Variants in COL14A1 observed in about 807,000 individuals in gnomAD.
COL14A1 encodes the protein collagen alpha-1(XIV) chain.
A neutral mutation model predicts 230.3 loss-of-function variants in COL14A1; 136 were observed. The ratio of observed to expected loss-of-function variants is 0.59; its 90% CI spans 0.51 to 0.68. The LOEUF (loss-of-function observed/expected upper bound fraction) is 0.68. Among genes scored for constraint, COL14A1 ranks in the 30% least tolerant of loss-of-function variants. The probability of loss-of-function intolerance (pLI) is 0.00; values close to 1 mark genes in which losing one functional copy is unlikely to be tolerated. For missense variants in COL14A1, 1,976 were observed against 2,215.8 expected, an observed-to-expected ratio of 0.89 and a Z score of 2.17; for synonymous variants, 792 against 784.1, an observed-to-expected ratio of 1.01 and a Z score of -0.17.
intron 34 of COL14A1, 114 bp downstream of exon 34, chr8:120,289,880 A>G: frequency 9.5e-7 from 1 of 1,050,226 alleles, no homozygotes. Flanking sequence ...GGATAAATGG[A>G]TGGATGAATG....
At chr8:120,270,557 T>G (rs530307010) in intron 26 of COL14A1, among the ~76,000 whole-genome samples, 1 of 151,924 alleles carries the variant, frequency 6.6e-6, no homozygotes, top group East Asian at 1.9e-4. Flanking sequence ...AACATGAAAC[T>G]AACTCATTCA....
chr8:120,205,805 T>G (rs940082498), intron 9 of COL14A1, among the ~76,000 whole-genome samples: 1 of 152,198 alleles, frequency 6.6e-6, no homozygotes, highest in East Asian at 1.9e-4. Flanking sequence ...GCCCATAGTT[T>G]GTGTTCAAAA....
chr8:120,199,696 A>G, intron 8 of COL14A1, 130 bp downstream of exon 8: 1 of 875,848 alleles, frequency 1.1e-6, no homozygotes, highest in South Asian at 1.9e-5. Context: ...GGCACTTGTC[A>G]TAGGCAGCCC....
intron 5 of COL14A1, among the ~76,000 whole-genome samples, chr8:120,184,787 G>A (rs1586746367): frequency 6.6e-6 from 1 of 152,152 alleles, no homozygotes; most frequent in Admixed American, 6.6e-5. Flanking sequence ...CAACATATGA[G>A]CTCAAGGCAG....
intron 38 of COL14A1, among the ~76,000 whole-genome samples, chr8:120,314,918 G>A (rs964933831): frequency 3.3e-5 from 5 of 152,134 alleles, no homozygotes; most frequent in African/African-American, 4.8e-5. Flanking sequence ...AATCCAAGCC[G>A]TAAATAATAC....
At chr8:120,189,944 T>G (rs1816765965) in intron 5 of COL14A1, among the ~76,000 whole-genome samples, 1 of 151,448 alleles carries the variant, frequency 6.6e-6, no homozygotes, top group Non-Finnish European at 1.5e-5. Flanking sequence ...ACAATAAACA[T>G]ACGTGTGCAT....
In COL14A1 at chr8:120,242,452, A is replaced by ATTTGT. The variant is rs1157030223; in HGVS notation, c.2350-1426_2350-1425insTTGTT. Among the ~76,000 whole-genome samples, 3 of 152,366 alleles carry ATTTGT rather than the reference A, an allele frequency of 2.0e-5. No individual in the cohort carries two copies. In the East Asian group the frequency reaches 5.8e-4, roughly 29 times the overall value. ...AGTTTGAAAGAAGACATTATTTAAC[A>ATTTGT]TCAACATGGGTGGTTTGTTAGATGG... On this transcript the variant is annotated intron_variant, in intron 19 of 47. Transcript: ENST00000297848.
At chr8:120,170,422 T>G (rs1375047151) in intron 5 of COL14A1, among the ~76,000 whole-genome samples, 1 of 152,102 alleles carries the variant, frequency 6.6e-6, no homozygotes, top group African/African-American at 2.4e-5. Flanking sequence ...AGAAATATGC[T>G]ATTAATTTCT....
chr8:120,243,084 C>T (rs1818653626), intron 19 of COL14A1, among the ~76,000 whole-genome samples: 1 of 152,208 alleles, frequency 6.6e-6, no homozygotes, highest in Non-Finnish European at 1.5e-5. Context: ...CTTCTCACTC[C>T]TGGAGCACAG....
intron 1 of COL14A1, among the ~76,000 whole-genome samples, chr8:120,139,277 A>C (rs1341652085): frequency 2.0e-5 from 3 of 152,116 alleles, no homozygotes; most frequent in Non-Finnish European, 2.9e-5. Context: ...CATTTCTTTC[A>C]AGTCTTCTTT....
At chr8:120,353,831 G>A (rs1230512318) in intron 45 of COL14A1, among the ~76,000 whole-genome samples, 1 of 151,898 alleles carries the variant, frequency 6.6e-6, no homozygotes, top group East Asian at 1.9e-4. Flanking sequence ...AATTCGGTGT[G>A]GCGATTCCTC....
intron 2 of COL14A1, among the ~76,000 whole-genome samples, chr8:120,152,376 A>G (rs1815315936): frequency 6.8e-6 from 1 of 146,172 alleles, no homozygotes; most frequent in South Asian, 2.3e-4. Context: ...AGGCTGAGGC[A>G]GGAGAATGGC....
chr8:120,268,087 C>G (rs1391377716), intron 25 of COL14A1, among the ~76,000 whole-genome samples: 1 of 151,794 alleles, frequency 6.6e-6, no homozygotes, highest in Non-Finnish European at 1.5e-5. Flanking sequence ...TCTAATAAAG[C>G]TCAACATTCA....
chr8:120,289,773 G>T lies in COL14A1; in HGVS notation c.4236+7G>T. The stretch of plus-strand genomic sequence containing the variant: ...AGGTGGAAACTCTGCACCGGTAAGT[G>T]AATAAACCCGTGAAGCTGTGTTATT... On this transcript the variant is annotated splice_region_variant and intron_variant, in intron 34 of 47. Transcript: ENST00000297848. 1 of 1,609,808 alleles carries T rather than the reference G, an allele frequency of 6.2e-7. No homozygotes were observed. The highest frequency in any genetic ancestry group is 8.5e-7 in the Non-Finnish European group (1 of 1,178,148).
Position 120,242,512 on chromosome 8 carries a change from A to G in COL14A1, c.2350-1367A>G, listed in dbSNP as rs1818635436. 2.0e-5 allele frequency among the ~76,000 whole-genome samples: 3 copies of G among 152,290 alleles called. No individual in the cohort carries two copies. The South Asian group carries it at 6.2e-4, about 32-fold the overall frequency. On this transcript the variant is annotated intron_variant, in intron 19 of 47. Coordinates refer to ENST00000297848, the MANE Select transcript of COL14A1 (RefSeq NM_021110.4). ...AATGAATGCCCAGGCTCTGCTTCAG[A>G]GGGGTTACATTTAAGAGAAACACCC...
In COL14A1 at chr8:120,225,117, T is replaced by G. The variant is rs1334920119; in HGVS notation, c.1767T>G (p.Pro589=). 2 of 1,612,586 alleles carry G rather than the reference T, an allele frequency of 1.2e-6. No individual in the cohort carries two copies. The highest frequency in any genetic ancestry group is 1.3e-5 in the African/African-American group (1 of 75,010). The part of the protein sequence containing the change: ...EVEVDPITTF[P]LKGLTPLTEY... The stretch of plus-strand genomic sequence containing the variant: ...AAGTCGATCCTATTACTACCTTCCC[T>G]CTGAAGGGCTTGACACCTCTCACAG... The change falls in exon 15 of 48, where the codon CCT becomes CCG. Residue 589 remains proline (P), a synonymous_variant. Transcript: ENST00000297848.
chr8:120,226,422 G>T (rs1818096253), intron 15 of COL14A1, among the ~76,000 whole-genome samples: 2 of 152,058 alleles, frequency 1.3e-5, no homozygotes, highest in African/African-American at 4.8e-5. Flanking sequence ...TATTTCCATG[G>T]TTTCCCTAAT....
chr8:120,279,321 A>C (rs575828076), intron 28 of COL14A1, among the ~76,000 whole-genome samples: 169 of 152,066 alleles, frequency 1.1e-3, no homozygotes, highest in African/African-American at 3.8e-3. Context: ...AAAATTGTGT[A>C]AAAAAGAAAA....
intron 21 of COL14A1, among the ~76,000 whole-genome samples, chr8:120,249,783 A>C (rs1818882693): frequency 6.6e-6 from 1 of 152,212 alleles, no homozygotes; most frequent in East Asian, 1.9e-4. Context: ...GCCAAGTGGG[A>C]GAAATATACA....
Sources: allele counts gnomAD v4.1 joint callset (sites outside exome capture counted in the v4.1 genomes callset), GRCh38; gene constraint gnomAD v4.1.1; transcripts MANE v1.5; gene names NCBI Gene and HGNC (gene_info 2026-07-23, HGNC 2026-07-21).